DAP3: variants seen among roughly 807,000 people sequenced by gnomAD.
The protein encoded by DAP3 is death associated protein 3.
DAP3 carries 28 observed loss-of-function variants against 51.9 expected under a neutral mutation model. That is an observed-to-expected ratio of 0.54 (90% CI 0.40 to 0.74). The LOEUF (loss-of-function observed/expected upper bound fraction) is 0.74, where lower values mean the gene tolerates loss of function less well. DAP3 is among the 30% of genes least tolerant of loss of function. The probability of loss-of-function intolerance (pLI) is 0.00; values close to 1 mark genes in which losing one functional copy is unlikely to be tolerated. For missense variants in DAP3, 458 were observed against 483.5 expected (o/e 0.95, Z 0.49); for synonymous variants, 170 against 170.3 (o/e 1.00, Z 0.01).
chr1:155,721,602 C>T lies in DAP3; in HGVS notation c.254C>T (p.Pro85Leu), dbSNP rs1658030007. 2.5e-6 allele frequency: 4 copies of T among 1,613,950 alleles called. No individual in the cohort carries two copies. The highest frequency in any genetic ancestry group is 1.3e-5 in the African/African-American group (1 of 74,880). ...ACTGTATTTCCCCATGGCCTTCCTC[C>T]TCGCTTTGTGATGCAGGTGCTCAAG... ...LETVFPHGLPPRFVMQVKTFS... is the reference protein window; with the variant it reads ...LETVFPHGLPLRFVMQVKTFS... Residue 85 changes from proline (P) to leucine (L), a missense_variant, in exon 4 of 13, where the codon CCT becomes CTT. Pro to Leu is a moderately conservative substitution (Grantham distance 98). Transcript: ENST00000368336.
Position 155,729,376 on chromosome 1 carries a change from CTG to C in DAP3, c.843+11_843+12del. The C allele has an allele frequency of 6.2e-7, 1 of 1,612,794 alleles. No homozygotes were observed. Among genetic ancestry groups the C allele is most frequent in the East Asian group, 2.2e-5 (1 of 44,876 alleles). ...AGAAGATAAAAGCCCGGTAGGAAAA[CTG>C]GGTGTCTCTATCTTGTTTCTCTGAT... is the stretch of plus-strand genomic sequence containing the variant. On this transcript the variant is annotated intron_variant, in intron 9 of 12. Coordinates refer to ENST00000368336, the MANE Select transcript of DAP3 (RefSeq NM_004632.4).
chr1:155,707,632 C>G (rs530963229), intron 1 of DAP3, among the ~76,000 whole-genome samples: 11 of 152,112 alleles, frequency 7.2e-5, no homozygotes, highest in African/African-American at 2.7e-4. Flanking sequence ...TATCCATTAT[C>G]CAGTGTTAGT....
intron 1 of DAP3, among the ~76,000 whole-genome samples, chr1:155,708,532 CTGTTTT>C: frequency 7.2e-6 from 1 of 139,856 alleles, no homozygotes; most frequent in East Asian, 2.2e-4. Flanking sequence ...TTTTCTTTTT[CTGTTTT>C]TGTTTTTTTT....
intron 3 of DAP3, 93 bp downstream of exon 3, chr1:155,717,221 T>G: frequency 6.4e-7 from 1 of 1,558,256 alleles, no homozygotes; most frequent in South Asian, 1.2e-5. Flanking sequence ...TGAAAGAAGC[T>G]TAGTAGATTT....
At chr1:155,694,130 A>G (rs1278073142) in intron 1 of DAP3, among the ~76,000 whole-genome samples, 1 of 141,474 alleles carries the variant, frequency 7.1e-6, no homozygotes, top group African/African-American at 3.2e-5. Flanking sequence ...AAATGATAGG[A>G]TACTGGTCTT....
rs774705445 is a variant in DAP3 at position 155,729,026 on chromosome 1, C to A, written c.604-16C>A. ...TAGCCTTTTTTTTGGTTTTTATTTTCTTTGCTTGCTTTTAGATAAAAGTTC... is the reference window on the plus strand; with the variant it reads ...TAGCCTTTTTTTTGGTTTTTATTTTATTTGCTTGCTTTTAGATAAAAGTTC... On this transcript the variant is annotated splice_polypyrimidine_tract_variant and intron_variant, in intron 7 of 12. Coordinates refer to ENST00000368336, the MANE Select transcript of DAP3 (RefSeq NM_004632.4). 41 of 1,606,930 alleles carry A rather than the reference C, an allele frequency of 2.6e-5. No homozygotes were observed. Among genetic ancestry groups the A allele is most frequent in the Non-Finnish European group, 3.3e-5 (39 of 1,178,088 alleles).
At chr1:155,697,380 G>A (rs1284564116) in intron 1 of DAP3, among the ~76,000 whole-genome samples, 11 of 152,166 alleles carry the variant, frequency 7.2e-5, no homozygotes, top group Admixed American at 6.6e-5. Flanking sequence ...CTCCGGTATC[G>A]GGGGAACCAG....
chr1:155,709,156 T>G (rs929245950), intron 1 of DAP3: 18 of 113,846 alleles, frequency 1.6e-4, no homozygotes, highest in African/African-American at 1.1e-3. Context: ...CCTATTTTCT[T>G]TTTTTTTTTT....
chr1:155,705,586 G>A lies in DAP3; in HGVS notation c.-7-4187G>A, dbSNP rs1420722511. ...CCATTGCACCCCATCCTGGGCAATG[G>A]AGCGAGACCCTGTCTCAAAAAAAAA... On this transcript the variant is annotated intron_variant, in intron 1 of 12. Transcript: ENST00000368336. Among the ~76,000 whole-genome samples the A allele has an allele frequency of 2.1e-5, 3 of 146,320 alleles. No individual in the cohort carries two copies. In the Admixed American group the frequency reaches 2.1e-4, roughly 10 times the overall value.
chr1:155,713,479 C>T (rs1414118870), intron 2 of DAP3, among the ~76,000 whole-genome samples: 2 of 152,162 alleles, frequency 1.3e-5, no homozygotes, highest in African/African-American at 4.8e-5. Context: ...CATTTACTTT[C>T]CTTCGTGGAT....
intron 4 of DAP3, among the ~76,000 whole-genome samples, chr1:155,724,038 CAAAA>C (rs560166121): frequency 2.5e-5 from 2 of 80,516 alleles, no homozygotes; most frequent in African/African-American, 3.6e-5. Context: ...GACTCTGTCT[CAAAA>C]AAAAAAAAAA....
In DAP3 at chr1:155,689,167, G is replaced by A; in HGVS notation, c.-15G>A. On this transcript the variant is annotated 5_prime_UTR_variant, in exon 1 of 13. Coordinates refer to ENST00000368336, the MANE Select transcript of DAP3 (RefSeq NM_004632.4). Reference sequence around the variant, plus strand: ...CGCCTAGTCTGGAGAACTAGTCCTCGACTCACGGTGAGGGAATGGACCGAC... The same window carrying A: ...CGCCTAGTCTGGAGAACTAGTCCTCAACTCACGGTGAGGGAATGGACCGAC... The A allele has an allele frequency of 1.3e-6, 1 of 747,792 alleles. No homozygotes were observed. Among genetic ancestry groups the A allele is most frequent in the Non-Finnish European group, 2.3e-6 (1 of 430,986 alleles). The allele number at this position is 747,792 out of a possible 1,614,324, so 46.3% of individuals were successfully genotyped here.
chr1:155,711,830 G>A (rs1656756031), intron 2 of DAP3, among the ~76,000 whole-genome samples: 1 of 151,200 alleles, frequency 6.6e-6, no homozygotes, highest in African/African-American at 2.5e-5. Context: ...AAAGGCCTGA[G>A]AGCCCCTGGC....
chr1:155,727,775 CTT>C, intron 7 of DAP3, 37 bp downstream of exon 7: 1 of 1,604,218 alleles, frequency 6.2e-7, no homozygotes. Context: ...CTAGGTAGTC[CTT>C]ACATGGATTC....
At chr1:155,693,732 CCGGCAGATCACCTGAGGTCGGGAGTT>C (rs1346885523) in intron 1 of DAP3, among the ~76,000 whole-genome samples, 1 of 141,780 alleles carries the variant, frequency 7.1e-6, no homozygotes, top group African/African-American at 3.2e-5. Context: ...GAGGCCGAGG[CCGGCAGATCACCTGAGGTCGGGAGTT>C]CGAGACCAGT....
At chr1:155,713,051 G>T (rs535160988) in intron 2 of DAP3, among the ~76,000 whole-genome samples, 1 of 152,268 alleles carries the variant, frequency 6.6e-6, no homozygotes, top group South Asian at 2.1e-4. Context: ...TGCTGTTCCT[G>T]TCTTTCAAAA....
At chr1:155,688,116 A>AGG (rs938138290), upstream of DAP3, 3 of 1,610,868 alleles carry the variant, frequency 1.9e-6, no homozygotes, top group South Asian at 3.3e-5. Context: ...AGTGAGGAAG[A>AGG]GGGGGTGGCC....
intron 9 of DAP3, among the ~76,000 whole-genome samples, chr1:155,730,588 G>A (rs1378737752): frequency 2.6e-5 from 4 of 151,894 alleles, no homozygotes. Flanking sequence ...TGCATTCCAG[G>A]CTGGGCAACA....
chr1:155,705,853 A>T (rs1351323415), intron 1 of DAP3, among the ~76,000 whole-genome samples: 4 of 152,008 alleles, frequency 2.6e-5, no homozygotes, highest in African/African-American at 9.7e-5. Flanking sequence ...GACATGCACC[A>T]CCATGCCAGG....
Sources: allele counts gnomAD v4.1 joint callset (sites outside exome capture counted in the v4.1 genomes callset), GRCh38; gene constraint gnomAD v4.1.1; transcripts MANE v1.5; gene names NCBI Gene and HGNC (gene_info 2026-07-23, HGNC 2026-07-21).